Variants in PDZD2 observed in about 807,000 individuals in gnomAD.
PDZD2 encodes PDZ domain containing 2.
PDZD2 carries 90 observed loss-of-function variants against 220.7 expected under a neutral mutation model. That is an observed-to-expected ratio of 0.41 (90% CI 0.34 to 0.49). PDZD2 has a LOEUF of 0.49. Among genes scored for constraint, PDZD2 ranks in the 20% least tolerant of loss-of-function variants. The pLI is 0.28. For synonymous variants in PDZD2, 1,375 were observed against 1,450.5 expected, an observed-to-expected ratio of 0.95 and a Z score of 1.18; for missense variants, 3,174 against 3,608.5, an observed-to-expected ratio of 0.88 and a Z score of 3.08.
At position 32,053,588 on chromosome 5, in the gene PDZD2, A is replaced by G. The variant is rs1378643840; in HGVS notation, c.1786-181A>G. Among the ~76,000 whole-genome samples, 3 of 152,248 alleles carry G rather than the reference A, an allele frequency of 2.0e-5. No homozygotes were observed. In the East Asian group the frequency reaches 5.8e-4, roughly 29 times the overall value. ...ATAGATCGGAGGAGGGGAATAAGGA[A>G]GAGAACACAAACTTGAGTTTGCAGC... On this transcript the variant is annotated intron_variant, in intron 9 of 24. Transcript: ENST00000438447.
chr5:32,002,657 TACAC>T (rs70957990), intron 5 of PDZD2, among the ~76,000 whole-genome samples: 1 of 76,674 alleles, frequency 1.3e-5, no homozygotes, highest in Non-Finnish European at 2.5e-5. Context: ...CCCCACATAC[TACAC>T]ACACACACCA....
At chr5:31,923,315 C>T in intron 2 of PDZD2, 1 of 713,428 alleles carries the variant, frequency 1.4e-6, no homozygotes, top group Non-Finnish European at 2.5e-6. Flanking sequence ...TTTCGGATTC[C>T]CGATGCGGTG....
At chr5:31,991,656 A>T (rs1275542292) in intron 3 of PDZD2, among the ~76,000 whole-genome samples, 1 of 152,258 alleles carries the variant, frequency 6.6e-6, no homozygotes, top group Non-Finnish European at 1.5e-5. Context: ...GATTTTGGCC[A>T]GTACAAGTTT....
intron 2 of PDZD2, among the ~76,000 whole-genome samples, chr5:31,862,001 A>G (rs1737749138): frequency 6.6e-6 from 1 of 151,162 alleles, no homozygotes; most frequent in Non-Finnish European, 1.5e-5. Context: ...TATCCTGAAC[A>G]CCCTACACCA....
At chr5:31,843,950 G>T in intron 2 of PDZD2, 1 of 152,338 alleles carries the variant, frequency 6.6e-6, no homozygotes, top group Non-Finnish European at 1.5e-5. Context: ...TCAGCTGATG[G>T]AGAATGGTGG....
chr5:31,850,634 C>CT (rs1202109766), intron 2 of PDZD2, among the ~76,000 whole-genome samples: 14,860 of 118,326 alleles, frequency 0.13, 1,196 homozygotes, highest in Non-Finnish European at 0.16. Flanking sequence ...TACCCAAATT[C>CT]TTTTTTTTTT....
At chr5:31,862,101 GTT>G (rs11417935) in intron 2 of PDZD2, among the ~76,000 whole-genome samples, 16 of 78,490 alleles carry the variant, frequency 2.0e-4, no homozygotes, top group South Asian at 5.0e-4. Flanking sequence ...TTTTTTTTGG[GTT>G]TTTTTTTTTT....
chr5:31,737,471 C>T (rs1476770652), intron 1 of PDZD2, among the ~76,000 whole-genome samples: 3 of 152,166 alleles, frequency 2.0e-5, no homozygotes, highest in Admixed American at 1.3e-4. Flanking sequence ...CGCGCCCGGC[C>T]AGAGCAGTCT....
chr5:31,974,516 T>C (rs958005834), intron 2 of PDZD2, among the ~76,000 whole-genome samples: 1 of 152,200 alleles, frequency 6.6e-6, no homozygotes, highest in Non-Finnish European at 1.5e-5. Context: ...TTGTGTATTT[T>C]CCCATTATAC....
chr5:31,697,694 T>C lies in PDZD2; in HGVS notation c.-361+58257T>C, dbSNP rs117411962. 2.0e-5 allele frequency among the ~76,000 whole-genome samples: 3 copies of C among 152,186 alleles called. No homozygotes were observed. In the East Asian group the frequency reaches 5.8e-4, roughly 30 times the overall value. ...ACCAGCAGGGCAGGGGCAGAGGACATTGGCACGAAGCCCCTCCAGCTGCTC... is the reference window on the plus strand; with the variant it reads ...ACCAGCAGGGCAGGGGCAGAGGACACTGGCACGAAGCCCCTCCAGCTGCTC... On this transcript the variant is annotated intron_variant, in intron 1 of 24. Transcript: ENST00000438447.
intron 2 of PDZD2, among the ~76,000 whole-genome samples, chr5:31,962,827 T>C (rs1748380149): frequency 6.6e-6 from 1 of 152,190 alleles, no homozygotes; most frequent in African/African-American, 2.4e-5. Flanking sequence ...GGAACTCCTC[T>C]GTTCAAATGC....
At chr5:32,085,955 A>ACTCTT (rs1207999742) in intron 19 of PDZD2, among the ~76,000 whole-genome samples, 1 of 150,588 alleles carries the variant, frequency 6.6e-6, no homozygotes, top group Non-Finnish European at 1.5e-5. Flanking sequence ...TTTTAACGGT[A>ACTCTT]CTCTTCCATT....
chr5:31,944,566 A>G (rs1489153069), intron 2 of PDZD2, among the ~76,000 whole-genome samples: 1 of 152,250 alleles, frequency 6.6e-6, no homozygotes, highest in African/African-American at 2.4e-5. Context: ...GTGAGAAGAG[A>G]TGTTCCAGGA....
chr5:31,781,044 C>G (rs1455019121), intron 1 of PDZD2, among the ~76,000 whole-genome samples: 4 of 152,310 alleles, frequency 2.6e-5, no homozygotes, highest in Middle Eastern at 3.4e-3. Context: ...GTCACTTACA[C>G]CACCGATCAG....
In PDZD2 at chr5:31,794,722, T is replaced by C. The variant is rs1040371085; in HGVS notation, c.-360-4167T>C. Among the ~76,000 whole-genome samples the C allele has an allele frequency of 3.3e-5, 5 of 152,310 alleles. No individual in the cohort carries two copies. The East Asian group carries it at 9.6e-4, about 29-fold the overall frequency. On this transcript the variant is annotated intron_variant, in intron 1 of 24. Transcript: ENST00000438447. ...ACGCCCAGCCCATAGTTGGTTTCTT[T>C]TAAAAAATTTTTTTTTATTTTTAAT... is the stretch of plus-strand genomic sequence containing the variant.
intron 2 of PDZD2, among the ~76,000 whole-genome samples, chr5:31,879,566 T>C (rs1373728803): frequency 1.3e-5 from 2 of 152,176 alleles, no homozygotes; most frequent in East Asian, 3.9e-4. Flanking sequence ...AGCATTCTTA[T>C]GAATGGTCAA....
intron 14 of PDZD2, among the ~76,000 whole-genome samples, chr5:32,062,081 A>C (rs1202377841): frequency 6.6e-6 from 1 of 152,212 alleles, no homozygotes; most frequent in Non-Finnish European, 1.5e-5. Flanking sequence ...TTAAAGGACA[A>C]ATAAATGTCT....
At chr5:31,989,572 G>A (rs180893783) in intron 3 of PDZD2, among the ~76,000 whole-genome samples, 2 of 151,978 alleles carry the variant, frequency 1.3e-5, no homozygotes, top group Non-Finnish European at 2.9e-5. Context: ...ATAGGCACAC[G>A]CCACCATGTC....
chr5:31,778,098 G>T (rs1200287184), intron 1 of PDZD2, among the ~76,000 whole-genome samples: 2 of 152,170 alleles, frequency 1.3e-5, no homozygotes, highest in Non-Finnish European at 2.9e-5. Flanking sequence ...TCTGTGTCTA[G>T]CTAATCTAGT....
Sources: gnomAD v4.1 joint callset for allele counts (sites outside exome capture counted in the v4.1 genomes callset) on GRCh38, gnomAD v4.1.1 for gene constraint, MANE v1.5 for transcripts, NCBI Gene and HGNC (gene_info 2026-07-23, HGNC 2026-07-21) for gene names.